ST6GALNAC3: variants seen among roughly 807,000 people sequenced by gnomAD.
ST6GALNAC3 encodes the protein alpha-N-acetylgalactosaminide alpha-2,6-sialyltransferase 3.
A neutral mutation model predicts 32.7 loss-of-function variants in ST6GALNAC3; 25 were observed. The ratio of observed to expected loss-of-function variants is 0.76; its 90% CI spans 0.56 to 1.07. The LOEUF is 1.07. Ranked by LOEUF, ST6GALNAC3 falls within the 50% of genes least tolerant of loss-of-function variation. ST6GALNAC3 has a pLI of 0.00. For missense variants in ST6GALNAC3, 355 were observed against 382.4 expected, an observed-to-expected ratio of 0.93 and a Z score of 0.60; for synonymous variants, 129 against 133.1, an observed-to-expected ratio of 0.97 and a Z score of 0.21.
chr1:76,436,961 C>T (rs1469011089), intron 3 of ST6GALNAC3, among the ~76,000 whole-genome samples: 1 of 152,000 alleles, frequency 6.6e-6, no homozygotes, highest in Non-Finnish European at 1.5e-5. Flanking sequence ...ATCTCCAATC[C>T]AGGTGGCATT....
At chr1:76,483,668 G>C (rs1054563563) in intron 3 of ST6GALNAC3, among the ~76,000 whole-genome samples, 1 of 152,090 alleles carries the variant, frequency 6.6e-6, no homozygotes, top group Non-Finnish European at 1.5e-5. Flanking sequence ...CCATTCTGTA[G>C]GTTGCCTGTT....
chr1:76,243,227 T>C (rs551061062), intron 1 of ST6GALNAC3, among the ~76,000 whole-genome samples: 1 of 152,342 alleles, frequency 6.6e-6, no homozygotes, highest in East Asian at 1.9e-4. Context: ...TTTTTTCATA[T>C]GTTTTTGACC....
intron 2 of ST6GALNAC3, among the ~76,000 whole-genome samples, chr1:76,326,404 G>A (rs752763649): frequency 6.6e-5 from 10 of 152,302 alleles, no homozygotes; most frequent in Non-Finnish European, 1.3e-4. Flanking sequence ...GGAGTGGGAA[G>A]TATACTCCTC....
At chr1:76,365,907 G>A (rs144911174) in intron 2 of ST6GALNAC3, among the ~76,000 whole-genome samples, 1 of 152,134 alleles carries the variant, frequency 6.6e-6, no homozygotes, top group African/African-American at 2.4e-5. Flanking sequence ...TCACTCTTCT[G>A]TCTCCTCCAT....
At chr1:76,392,844 G>A (rs1330524382) in intron 2 of ST6GALNAC3, among the ~76,000 whole-genome samples, 2 of 152,156 alleles carry the variant, frequency 1.3e-5, no homozygotes, top group East Asian at 1.9e-4. Flanking sequence ...ACTTGCAACT[G>A]GATAATTGCA....
At chr1:76,353,132 T>G (rs1039961303) in intron 2 of ST6GALNAC3, among the ~76,000 whole-genome samples, 4 of 152,214 alleles carry the variant, frequency 2.6e-5, no homozygotes, top group Admixed American at 1.3e-4. Flanking sequence ...GCAGTCAGAA[T>G]AAACACTGAA....
chr1:76,074,956 C>A (rs1441131851), intron 1 of ST6GALNAC3, 72 bp downstream of exon 1: 65 of 1,538,502 alleles, frequency 4.2e-5, no homozygotes, highest in Non-Finnish European at 5.5e-5. Context: ...CGGAGTCAGC[C>A]GCGGTCCCAC....
intron 3 of ST6GALNAC3, among the ~76,000 whole-genome samples, chr1:76,550,695 T>C (rs1446002853): frequency 6.6e-6 from 1 of 152,148 alleles, no homozygotes; most frequent in Non-Finnish European, 1.5e-5. Context: ...ATCTGTAAAA[T>C]GGTGACAATA....
intron 3 of ST6GALNAC3, among the ~76,000 whole-genome samples, chr1:76,504,746 A>G (rs748946203): frequency 2.5e-4 from 38 of 152,146 alleles, no homozygotes; most frequent in Non-Finnish European, 4.3e-4. Context: ...TGAGGTTTTA[A>G]TATTGTAAGA....
intron 3 of ST6GALNAC3, among the ~76,000 whole-genome samples, chr1:76,475,717 C>A (rs1659305368): frequency 6.6e-6 from 1 of 151,854 alleles, no homozygotes; most frequent in Non-Finnish European, 1.5e-5. Context: ...ATTTTTTATT[C>A]TACTTTTATC....
intron 2 of ST6GALNAC3, among the ~76,000 whole-genome samples, chr1:76,401,456 G>A (rs1653410495): frequency 6.6e-6 from 1 of 152,060 alleles, no homozygotes; most frequent in South Asian, 2.1e-4. Flanking sequence ...CGTAAACATT[G>A]TTTTAGTCTA....
At chr1:76,565,624 G>A (rs1665509148) in intron 3 of ST6GALNAC3, among the ~76,000 whole-genome samples, 1 of 152,192 alleles carries the variant, frequency 6.6e-6, no homozygotes, top group Non-Finnish European at 1.5e-5. Flanking sequence ...CCAGATGTGT[G>A]CTTCAGGCCT....
chr1:76,305,926 C>T (rs367636392), intron 1 of ST6GALNAC3: 4 of 517,902 alleles, frequency 7.7e-6, no homozygotes, highest in Non-Finnish European at 1.2e-5. Flanking sequence ...AGCCTGTGTT[C>T]TAGTGTGTGA....
intron 2 of ST6GALNAC3, among the ~76,000 whole-genome samples, chr1:76,409,666 T>C (rs1293344539): frequency 1.3e-5 from 2 of 152,056 alleles, no homozygotes; most frequent in Admixed American, 6.6e-5. Context: ...AGGCTGATGA[T>C]TTTTGATTAA....
intron 2 of ST6GALNAC3, among the ~76,000 whole-genome samples, chr1:76,332,544 G>C (rs903863737): frequency 1.3e-5 from 2 of 152,132 alleles, no homozygotes; most frequent in Non-Finnish European, 2.9e-5. Flanking sequence ...AGGCCATGAT[G>C]AGTTAGGTTT....
chr1:76,083,808 C>T (rs545627674), intron 1 of ST6GALNAC3, among the ~76,000 whole-genome samples: 18 of 151,918 alleles, frequency 1.2e-4, no homozygotes, highest in African/African-American at 2.7e-4. Flanking sequence ...ACTCGGTGTA[C>T]GTTTTACACT....
chr1:76,112,148 G>A (rs1439498244), intron 1 of ST6GALNAC3, among the ~76,000 whole-genome samples: 10 of 132,546 alleles, frequency 7.5e-5, no homozygotes, highest in African/African-American at 2.9e-4. Context: ...CGGACAGGGC[G>A]GCTGGCCGGG....
At chr1:76,456,797 C>T (rs927080513) in intron 3 of ST6GALNAC3, among the ~76,000 whole-genome samples, 2 of 152,192 alleles carry the variant, frequency 1.3e-5, no homozygotes. Context: ...TGGCACAAGA[C>T]AGGGATGCCC....
chr1:76,608,680 C>A (rs1405390880), intron 3 of ST6GALNAC3, among the ~76,000 whole-genome samples: 1 of 146,380 alleles, frequency 6.8e-6, no homozygotes, highest in African/African-American at 2.5e-5. Context: ...CAGTGTTTGT[C>A]TTTTTATAAC....
Sources: allele counts gnomAD v4.1 joint callset (sites outside exome capture counted in the v4.1 genomes callset), GRCh38; gene constraint gnomAD v4.1.1; transcripts MANE v1.5; gene names NCBI Gene and HGNC (gene_info 2026-07-23, HGNC 2026-07-21).